Variants in NEXMIF observed in about 807,000 individuals in gnomAD.
The protein encoded by NEXMIF is neurite extension and migration factor.
NEXMIF carries 8 observed loss-of-function variants against 62.1 expected under a neutral mutation model. That is an observed-to-expected ratio of 0.13 (90% CI 0.08 to 0.23). The LOEUF is 0.23. Among genes scored for constraint, NEXMIF ranks in the 10% least tolerant of loss-of-function variants. The pLI is 1.00. For missense variants in NEXMIF, 976 were observed against 1,113.3 expected (o/e 0.88, Z 1.75); for synonymous variants, 404 against 416.6 (o/e 0.97, Z 0.37).
At chrX:74,850,597 C>T (rs1056400560) in intron 1 of NEXMIF, among the ~76,000 whole-genome samples, 3 of 112,060 alleles carry the variant, frequency 2.7e-5, no homozygotes, top group Admixed American at 1.9e-4. Context: ...GAGGAAATCA[C>T]AAACACTACT....
intron 1 of NEXMIF, among the ~76,000 whole-genome samples, chrX:74,845,716 C>T (rs769307707): frequency 9.0e-6 from 1 of 111,073 alleles, no homozygotes; most frequent in East Asian, 2.8e-4. Context: ...TTTTTGAACA[C>T]TGACAAAAGT....
rs972694147 is a variant in NEXMIF at position 74,739,892 on chromosome X, A to G, written c.4457+208T>C. On this transcript the variant is annotated intron_variant, in intron 3 of 3. Coordinates refer to ENST00000055682, the MANE Select transcript of NEXMIF (RefSeq NM_001008537.3). ...AGCTTATCCCTAGCCAAGCCACAACAAAATTGCCCAATCTTTTGGGTGGCT... is the reference window on the plus strand; with the variant it reads ...AGCTTATCCCTAGCCAAGCCACAACGAAATTGCCCAATCTTTTGGGTGGCT... 12 of 409,217 alleles carry G rather than the reference A, an allele frequency of 2.9e-5. No homozygotes were observed. In the Admixed American group the frequency reaches 3.1e-4, roughly 11 times the overall value. The allele number at this position is 409,217 out of a possible 1,213,427, so 33.7% of individuals were successfully genotyped here. A position where few individuals can be genotyped will look rare whatever the true frequency, so the allele number is the denominator to read the frequency against.
chrX:74,828,937 A>G (rs964242569), intron 1 of NEXMIF, among the ~76,000 whole-genome samples: 2 of 112,043 alleles, frequency 1.8e-5, no homozygotes, highest in African/African-American at 6.5e-5. Context: ...CATGACCGAC[A>G]ACACCTGCAC....
chrX:74,844,533 ACCT>A (rs1405041027), intron 1 of NEXMIF, among the ~76,000 whole-genome samples: 3 of 110,562 alleles, frequency 2.7e-5, no homozygotes, highest in East Asian at 2.8e-4. Context: ...TTTGCAGTAA[ACCT>A]CCTCAACTCC....
At chrX:74,910,645 G>A (rs1158863696) in intron 1 of NEXMIF, among the ~76,000 whole-genome samples, 2 of 111,431 alleles carry the variant, frequency 1.8e-5, no homozygotes, top group Non-Finnish European at 3.8e-5. Flanking sequence ...GAGGGGCCAG[G>A]GATGGAATGT....
intron 1 of NEXMIF, among the ~76,000 whole-genome samples, chrX:74,762,482 T>A (rs1363608860): frequency 1.8e-5 from 2 of 111,480 alleles, no homozygotes; most frequent in Non-Finnish European, 3.8e-5. Flanking sequence ...TATACCCAGT[T>A]ATGGGATCGC....
chrX:74,849,100 A>G (rs1300475338), intron 1 of NEXMIF, among the ~76,000 whole-genome samples: 2 of 112,558 alleles, frequency 1.8e-5, no homozygotes, highest in Admixed American at 9.4e-5. Flanking sequence ...CTGCCTATAA[A>G]GATGGTACAA....
chrX:74,871,891 TACAA>T (rs2080602671), intron 1 of NEXMIF, among the ~76,000 whole-genome samples: 2 of 111,670 alleles, frequency 1.8e-5, no homozygotes, highest in Middle Eastern at 9.2e-3. Flanking sequence ...ACACACATTT[TACAA>T]ACAATTTGTA....
At chrX:74,739,599 C>T (rs749645234) in intron 3 of NEXMIF, 101 bp from the exon 4 acceptor site, 4 of 470,090 alleles carry the variant, frequency 8.5e-6, no homozygotes, top group African/African-American at 5.3e-5. Context: ...TACTAGATGC[C>T]GTATGATGTA....
intron 1 of NEXMIF, among the ~76,000 whole-genome samples, chrX:74,794,119 G>T (rs1430885067): frequency 9.4e-6 from 1 of 106,021 alleles, no homozygotes; most frequent in African/African-American, 3.4e-5. Context: ...ATCTACTTTT[G>T]GTCTTTGATG....
At chrX:74,881,915 T>C in intron 1 of NEXMIF, among the ~76,000 whole-genome samples, 1 of 111,207 alleles carries the variant, frequency 9.0e-6, no homozygotes, top group Non-Finnish European at 1.9e-5. Context: ...TAGTAGTGAG[T>C]CTTTTCCGTG....
intron 1 of NEXMIF, among the ~76,000 whole-genome samples, chrX:74,790,456 C>T (rs367621656): frequency 5.7e-4 from 64 of 111,555 alleles, no homozygotes; most frequent in East Asian, 2.2e-3. Flanking sequence ...CTTGGCGATG[C>T]GGGCTCTTTT....
In NEXMIF at chrX:74,920,549, G is replaced by A. The variant is rs191865579; in HGVS notation, c.-48+4334C>T. ...TAGCCCTTTGTCAGATGAGTAGGTT[G>A]CAAAAATTTTCTCCCATTTTGTAGG... On this transcript the variant is annotated intron_variant, in intron 1 of 3. Transcript: ENST00000055682. Among the ~76,000 whole-genome samples, 341 of 111,034 alleles carry A rather than the reference G, an allele frequency of 3.1e-3. 1 individual carries two copies. The highest frequency in any genetic ancestry group is 0.01 in the African/African-American group (314 of 30,520).
At chrX:74,760,582 G>C (rs2080172881) in intron 1 of NEXMIF, among the ~76,000 whole-genome samples, 1 of 111,444 alleles carries the variant, frequency 9.0e-6, no homozygotes, top group African/African-American at 3.3e-5. Context: ...AGTTTATTGA[G>C]AATTTTTAAC....
rs1349595288 is a variant in NEXMIF, at chrX:74,764,388, T to G, written c.-47-18691A>C. 2.7e-5 allele frequency among the ~76,000 whole-genome samples: 3 copies of G among 112,091 alleles called. No homozygotes were observed. In the East Asian group the frequency reaches 8.4e-4, roughly 31 times the overall value. ...GGTTTGCCAGTATTTTATTGAGGAT[T>G]TTTGAATCAATGTTCATCAGGGATA... On this transcript the variant is annotated intron_variant, in intron 1 of 3. Transcript: ENST00000055682.
chrX:74,866,806 C>T (rs2080581280), intron 1 of NEXMIF, among the ~76,000 whole-genome samples: 2 of 112,779 alleles, frequency 1.8e-5, no homozygotes, highest in Admixed American at 9.3e-5. Flanking sequence ...TTTGCTCCCC[C>T]TTCACCTTCC....
intron 1 of NEXMIF, among the ~76,000 whole-genome samples, chrX:74,785,787 C>T (rs1006372989): frequency 4.3e-4 from 48 of 112,065 alleles, no homozygotes; most frequent in African/African-American, 1.4e-3. Flanking sequence ...GCCTTGCCAA[C>T]ATAACCTTGC....
At chrX:74,756,594 T>C (rs1383578270) in intron 1 of NEXMIF, among the ~76,000 whole-genome samples, 1 of 111,579 alleles carries the variant, frequency 9.0e-6, no homozygotes, top group African/African-American at 3.3e-5. Flanking sequence ...GGGTTGGGCC[T>C]AAGAATAAGT....
At chrX:74,870,453 C>CA (rs2080596402) in intron 1 of NEXMIF, among the ~76,000 whole-genome samples, 1 of 111,306 alleles carries the variant, frequency 9.0e-6, no homozygotes, top group African/African-American at 3.3e-5. Flanking sequence ...ACAACCAAAG[C>CA]AAAAATGGAC....
Sources: allele counts gnomAD v4.1 joint callset (sites outside exome capture counted in the v4.1 genomes callset), GRCh38; gene constraint gnomAD v4.1.1; transcripts MANE v1.5; gene names NCBI Gene and HGNC (gene_info 2026-07-23, HGNC 2026-07-21).